RUNX1: variants seen among roughly 807,000 people sequenced by gnomAD.
RUNX1 encodes the protein runt-related transcription factor 1.
RUNX1 carries 19 observed loss-of-function variants against 42.8 expected under a neutral mutation model. The observed-to-expected ratio is 0.44, with a 90% CI of 0.31 to 0.65. The LOEUF (loss-of-function observed/expected upper bound fraction) is 0.65, where lower values mean the gene tolerates loss of function less well. RUNX1 is among the 30% of genes least tolerant of loss of function. The probability of loss-of-function intolerance (pLI) is 0.07; values close to 1 mark genes in which losing one functional copy is unlikely to be tolerated. For synonymous variants in RUNX1, 271 were observed against 289.4 expected (o/e 0.94, Z 0.64); for missense variants, 528 against 672.0 (o/e 0.79, Z 2.37).
At chr21:35,006,051 G>T (rs147863533) in intron 2 of RUNX1, among the ~76,000 whole-genome samples, 4 of 152,164 alleles carry the variant, frequency 2.6e-5, no homozygotes, top group Non-Finnish European at 5.9e-5. Context: ...TTGTTGGCAG[G>T]CTCATCCCAA....
At chr21:35,010,528 T>C (rs2059118116) in intron 2 of RUNX1, among the ~76,000 whole-genome samples, 1 of 152,166 alleles carries the variant, frequency 6.6e-6, no homozygotes, top group Non-Finnish European at 1.5e-5. Context: ...TCTGTGATGC[T>C]ACTTGGTAGA....
At chr21:34,885,292 ACCC>A (rs1569082780) in intron 4 of RUNX1, among the ~76,000 whole-genome samples, 1 of 152,168 alleles carries the variant, frequency 6.6e-6, no homozygotes, top group Non-Finnish European at 1.5e-5. Context: ...CCATGGCCCA[ACCC>A]TGTTGGGTCC....
intron 7 of RUNX1, chr21:34,821,768 TTCCCC>T: frequency 7.3e-7 from 1 of 1,366,516 alleles, no homozygotes; most frequent in Non-Finnish European, 1.0e-6. Context: ...CGCGAATGCA[TTCCCC>T]TCCCCTACCC....
chr21:34,845,371 G>C (rs990146904), intron 6 of RUNX1, among the ~76,000 whole-genome samples: 1 of 152,186 alleles, frequency 6.6e-6, no homozygotes, highest in Admixed American at 6.5e-5. Context: ...ACAGCCTTCT[G>C]TCCGGCAACA....
rs576487356 is a variant in RUNX1, at chr21:34,899,215, G to A, written c.59-6252C>T. 4.6e-5 allele frequency among the ~76,000 whole-genome samples: 7 copies of A among 152,162 alleles called. No individual in the cohort carries two copies. In the South Asian group the frequency reaches 6.2e-4, roughly 14 times the overall value. ...AGGTGTGAGCTACCACGCCTGGTGCGATTGGACTTTTTAAGCTGTTGTTAT... is the reference window on the plus strand; with the variant it reads ...AGGTGTGAGCTACCACGCCTGGTGCAATTGGACTTTTTAAGCTGTTGTTAT... On this transcript the variant is annotated intron_variant, in intron 2 of 8. Transcript: ENST00000675419.
chr21:34,888,971 C>T lies in RUNX1; in HGVS notation c.98-1875G>A, dbSNP rs1208373631. Among the ~76,000 whole-genome samples, 3 of 151,306 alleles carry T rather than the reference C, an allele frequency of 2.0e-5. No homozygotes were observed. In the East Asian group the frequency reaches 5.8e-4, roughly 29 times the overall value. ...CCCGGGGCCCCGCCCGCGTGCGGAC[C>T]CCTTTCCGCAGCCACACGCAGGCTT... On this transcript the variant is annotated intron_variant, in intron 3 of 8. Coordinates refer to ENST00000675419, the MANE Select transcript of RUNX1 (RefSeq NM_001754.5).
intron 7 of RUNX1, among the ~76,000 whole-genome samples, chr21:34,809,175 A>G (rs1391334672): frequency 1.3e-5 from 2 of 152,126 alleles, no homozygotes; most frequent in South Asian, 4.1e-4. Flanking sequence ...CTGCAACACC[A>G]GCACATCATG....
chr21:35,006,018 CAGTG>C (rs1327151665), intron 2 of RUNX1, among the ~76,000 whole-genome samples: 2 of 152,208 alleles, frequency 1.3e-5, no homozygotes, highest in African/African-American at 2.4e-5. Context: ...GGGTCTCTGA[CAGTG>C]AGTAAGTTGC....
At chr21:34,967,225 G>C (rs58144960) in intron 2 of RUNX1, among the ~76,000 whole-genome samples, 36,420 of 146,526 alleles carry the variant, frequency 0.25, 4,610 homozygotes, top group South Asian at 0.36. Context: ...GAGGCTGAGG[G>C]AGGAGAATCG....
intron 2 of RUNX1, among the ~76,000 whole-genome samples, chr21:34,931,671 T>C (rs2058448579): frequency 1.3e-5 from 2 of 150,786 alleles, no homozygotes; most frequent in South Asian, 4.2e-4. Flanking sequence ...TTGATTGGAA[T>C]TGGCTGAAGG....
intron 7 of RUNX1, among the ~76,000 whole-genome samples, chr21:34,824,854 T>C (rs2056964897): frequency 6.6e-6 from 1 of 152,086 alleles, no homozygotes; most frequent in Admixed American, 6.6e-5. Flanking sequence ...CAAGGAAAAA[T>C]CATGTAGATG....
In RUNX1 at chr21:34,791,898, C is replaced by T. The variant is rs2056440198; in HGVS notation, c.*237G>A. ...CGGACACCCTCGAGGTGCGTCGCCT[C>T]GGACACCTCCGCGAGGGCCGGGGCG... On this transcript the variant is annotated 3_prime_UTR_variant, in exon 9 of 9. Coordinates refer to ENST00000675419, the MANE Select transcript of RUNX1 (RefSeq NM_001754.5). 1 of 283,578 alleles carries T rather than the reference C, an allele frequency of 3.5e-6. No individual in the cohort carries two copies. Among genetic ancestry groups the T allele is most frequent in the South Asian group, 7.9e-5 (1 of 12,584 alleles). The allele number at this position is 283,578 out of a possible 1,614,324, so 17.6% of individuals were successfully genotyped here. A position where few individuals can be genotyped will look rare whatever the true frequency, so the allele number is the denominator to read the frequency against.
At chr21:34,881,182 GTGTT>G (rs1405027226) in intron 4 of RUNX1, among the ~76,000 whole-genome samples, 1 of 152,120 alleles carries the variant, frequency 6.6e-6, no homozygotes, top group Non-Finnish European at 1.5e-5. Flanking sequence ...AGAACATCCT[GTGTT>G]TGTAAGTTTA....
At chr21:34,810,286 A>G (rs1222589217) in intron 7 of RUNX1, among the ~76,000 whole-genome samples, 1 of 152,188 alleles carries the variant, frequency 6.6e-6, no homozygotes. Flanking sequence ...CTGCTTCCAT[A>G]TGACATGGGC....
At chr21:34,889,840 T>G (rs898851090) in intron 3 of RUNX1, 58 of 1,107,650 alleles carry the variant, frequency 5.2e-5, no homozygotes, top group Middle Eastern at 2.9e-4. Flanking sequence ...CCCGTCACCA[T>G]GAGTCCCTCC....
At chr21:34,870,896 T>C (rs1054951898) in intron 5 of RUNX1, among the ~76,000 whole-genome samples, 1 of 152,076 alleles carries the variant, frequency 6.6e-6, no homozygotes, top group Non-Finnish European at 1.5e-5. Flanking sequence ...AGGCGGAGGC[T>C]GCAGTGAGCT....
At chr21:34,989,800 A>G (rs576574657) in intron 2 of RUNX1, among the ~76,000 whole-genome samples, 1 of 152,340 alleles carries the variant, frequency 6.6e-6, no homozygotes, top group Admixed American at 6.5e-5. Flanking sequence ...AGGGTAAACC[A>G]CAGGGATCCA....
chr21:34,960,499 T>G (rs1259574845), intron 2 of RUNX1, among the ~76,000 whole-genome samples: 2 of 152,246 alleles, frequency 1.3e-5, no homozygotes, highest in Non-Finnish European at 2.9e-5. Context: ...CATACTGCAA[T>G]AACTACTTAG....
intron 2 of RUNX1, among the ~76,000 whole-genome samples, chr21:34,912,467 T>C (rs916546280): frequency 6.6e-6 from 1 of 152,010 alleles, no homozygotes; most frequent in African/African-American, 2.4e-5. Flanking sequence ...AACTGGCCAG[T>C]AGGTCGAGGA....
Sources: allele counts gnomAD v4.1 joint callset (sites outside exome capture counted in the v4.1 genomes callset), GRCh38; gene constraint gnomAD v4.1.1; transcripts MANE v1.5; gene names NCBI Gene and HGNC (gene_info 2026-07-23, HGNC 2026-07-21).